The following DNAH5 variants were observed in gnomAD, a reference collection of about 807,000 sequenced individuals.
DNAH5 encodes axonemal beta dynein heavy chain 5.
In DNAH5, 372 loss-of-function variants were observed where a neutral mutation model predicts 518.2. That is an observed-to-expected ratio of 0.72 (90% CI 0.66 to 0.78). DNAH5 has a LOEUF of 0.78. Among genes scored for constraint, DNAH5 ranks in the 30% least tolerant of loss-of-function variants. DNAH5 has a pLI of 0.00. For missense variants in DNAH5, 5,523 were observed against 5,687.0 expected (o/e 0.97, Z 0.93); for synonymous variants, 2,039 against 2,025.9 (o/e 1.01, Z -0.17).
intron 3 of DNAH5, among the ~76,000 whole-genome samples, chr5:13,926,029 T>C (rs1003970802): frequency 3.3e-5 from 5 of 152,176 alleles, no homozygotes; most frequent in African/African-American, 1.2e-4. Context: ...ATATGACACC[T>C]GACCAAGAAA....
intron 25 of DNAH5, among the ~76,000 whole-genome samples, chr5:13,866,663 G>T (rs1317912331): frequency 3.3e-5 from 5 of 152,052 alleles, no homozygotes; most frequent in African/African-American, 1.2e-4. Context: ...CTTGTAAAGT[G>T]GCCTATAATC....
intron 15 of DNAH5, chr5:13,899,928 T>G: frequency 2.3e-6 from 1 of 428,012 alleles, no homozygotes; most frequent in Admixed American, 4.0e-5. Context: ...GAATAACTTT[T>G]ATTATAAAAA....
Position 13,830,722 on chromosome 5 carries a change from G to T in DNAH5, c.5936C>A (p.Ala1979Asp). ...ALGMSMGGAP[A>D]GPAGTGKTET... ...TGTTTTGCCTGTGCCTGCAGGTCCA[G>T]CAGGGGCTCCCCCCATGCTCATTCC... is the stretch of plus-strand genomic sequence containing the variant. The change falls in exon 36 of 79, where the codon GCT becomes GAT. Residue 1979 changes from alanine to aspartate, a missense_variant. Physicochemically the swap from Ala to Asp is moderately radical, Grantham distance 126 (BLOSUM62 -2). Around this residue, in one of 3 missense-constraint regions of DNAH5, gnomAD observed 5,121 missense variants for 5,223.3 expected, o/e 0.98. Coordinates refer to ENST00000265104, the MANE Select transcript of DNAH5 (RefSeq NM_001369.3). The T allele has an allele frequency of 6.2e-7, 1 of 1,614,176 alleles. No homozygotes were observed. The highest frequency in any genetic ancestry group is 8.5e-7 in the Non-Finnish European group (1 of 1,180,042).
rs1189818948 is a variant in DNAH5 at position 13,703,895 on chromosome 5, A to G, written c.13339-2459T>C. Among the ~76,000 whole-genome samples the G allele has an allele frequency of 2.0e-5, 3 of 152,280 alleles. No homozygotes were observed. In the East Asian group the frequency reaches 5.8e-4, roughly 29 times the overall value. On this transcript the variant is annotated intron_variant, in intron 76 of 78. Coordinates refer to ENST00000265104, the MANE Select transcript of DNAH5 (RefSeq NM_001369.3). ...GTCCAAGGCTCTAGTTCTGATCTAC[A>G]GACTGTGAATGAAAGTGGCATGGGT... is the stretch of plus-strand genomic sequence containing the variant.
At chr5:13,941,189 C>T (rs115382447) in intron 1 of DNAH5, among the ~76,000 whole-genome samples, 3,047 of 152,204 alleles carry the variant, frequency 0.02, 100 homozygotes, top group African/African-American at 0.07. Flanking sequence ...TCCATCTCTA[C>T]AAAAATTACA....
chr5:13,953,066 T>C (rs1039704037), intron 1 of DNAH5, among the ~76,000 whole-genome samples: 4 of 152,224 alleles, frequency 2.6e-5, no homozygotes, highest in African/African-American at 9.6e-5. Context: ...TAAAATATTA[T>C]TTTAGAGACC....
chr5:13,917,593 C>A (rs1561568686), intron 7 of DNAH5, among the ~76,000 whole-genome samples: 1 of 152,232 alleles, frequency 6.6e-6, no homozygotes, highest in Admixed American at 6.5e-5. Flanking sequence ...TATTTTCTAT[C>A]TTTCCTCTAT....
rs945480627 is a variant in DNAH5, at chr5:13,859,468, G to A, written c.4934C>T (p.Ala1645Val). 23 of 1,613,878 alleles carry A rather than the reference G, an allele frequency of 1.4e-5. No individual in the cohort carries two copies. Among genetic ancestry groups the A allele is most frequent in the Non-Finnish European group, 1.9e-5 (22 of 1,179,956 alleles). ...LEAVFVGGDI[A>V]KQLPKEAKRF... ...TTACAAAACCTTGGGCAGCTGCTTG[G>A]CAATGTCTCCTCCCACAAAGACAGC... The change falls in exon 30 of 79, where the codon GCC becomes GTC. Residue 1645 changes from alanine to valine, a missense_variant. Ala to Val is a moderately conservative substitution (Grantham distance 64, BLOSUM62 0). Around this residue, in one of 3 missense-constraint regions of DNAH5, gnomAD observed 5,121 missense variants for 5,223.3 expected, o/e 0.98. Transcript: ENST00000265104.
At position 13,725,680 on chromosome 5, in the gene DNAH5, G is replaced by C. The variant is rs146405735; in HGVS notation, c.12033+1827C>G. 8.7e-3 allele frequency among the ~76,000 whole-genome samples: 1,321 copies of C among 151,964 alleles called. 21 individuals carry two copies. The highest frequency in any genetic ancestry group is 0.012 in the Non-Finnish European group (783 of 67,960). On this transcript the variant is annotated intron_variant, in intron 70 of 78. Coordinates refer to ENST00000265104, the MANE Select transcript of DNAH5 (RefSeq NM_001369.3). ...TGTTGAGTATTTTTTTTTTGAGATG[G>C]AGTCTCACCCTGGCACCTAGGCTGG...
chr5:13,845,422 C>T (rs1415615332), intron 31 of DNAH5, among the ~76,000 whole-genome samples: 1 of 151,906 alleles, frequency 6.6e-6, no homozygotes, highest in Non-Finnish European at 1.5e-5. Context: ...TCTAAAAGCT[C>T]CCTACAATAC....
At chr5:13,826,181 A>T (rs540679711) in intron 38 of DNAH5, among the ~76,000 whole-genome samples, 2 of 152,342 alleles carry the variant, frequency 1.3e-5, no homozygotes, top group South Asian at 4.2e-4. Context: ...CCAAGACATC[A>T]GTATGAGTCC....
At chr5:13,871,260 G>T (rs1312640731) in intron 23 of DNAH5, among the ~76,000 whole-genome samples, 1 of 152,030 alleles carries the variant, frequency 6.6e-6, no homozygotes, top group Non-Finnish European at 1.5e-5. Context: ...TCTGGGATAA[G>T]CCTCAAAGGT....
At chr5:13,896,749 C>A (rs1425349982) in intron 15 of DNAH5, 4 of 152,196 alleles carry the variant, frequency 2.6e-5, no homozygotes, top group Admixed American at 2.6e-4. Flanking sequence ...CTGAAAGGTA[C>A]ATAATGTCAA....
At chr5:13,839,852 A>T (rs531637218) in intron 34 of DNAH5, among the ~76,000 whole-genome samples, 9 of 152,346 alleles carry the variant, frequency 5.9e-5, no homozygotes, top group Admixed American at 5.2e-4. Context: ...CCTCACCATG[A>T]AATATAATCT....
intron 1 of DNAH5, among the ~76,000 whole-genome samples, chr5:13,991,409 A>C (rs567199480): frequency 3.3e-5 from 5 of 152,072 alleles, no homozygotes; most frequent in African/African-American, 1.2e-4. Context: ...TTTGGACTAA[A>C]TGCCTGCTTG....
At chr5:13,920,400 T>C in intron 6 of DNAH5, 80 bp downstream of exon 6, 12 of 1,569,316 alleles carry the variant, frequency 7.6e-6, no homozygotes, top group Non-Finnish European at 1.1e-5. Context: ...AAATGGAATG[T>C]CGTATGTCAA....
At chr5:13,879,010 G>A (rs1771274471) in intron 21 of DNAH5, among the ~76,000 whole-genome samples, 1 of 152,108 alleles carries the variant, frequency 6.6e-6, no homozygotes, top group Non-Finnish European at 1.5e-5. Flanking sequence ...TCCAGGGTAG[G>A]GGGGACAAAA....
At chr5:13,693,570 G>A (rs1164213029) in intron 78 of DNAH5, among the ~76,000 whole-genome samples, 1 of 152,152 alleles carries the variant, frequency 6.6e-6, no homozygotes, top group African/African-American at 2.4e-5. Flanking sequence ...TCTACTTACG[G>A]AGGACATTTG....
At chr5:13,847,056 G>A (rs1236433694) in intron 31 of DNAH5, among the ~76,000 whole-genome samples, 1 of 152,140 alleles carries the variant, frequency 6.6e-6, no homozygotes, top group Non-Finnish European at 1.5e-5. Flanking sequence ...TATGGAAGGA[G>A]GCTGTGGTGT....
Sources: allele counts gnomAD v4.1 joint callset (sites outside exome capture counted in the v4.1 genomes callset), GRCh38; gene constraint gnomAD v4.1.1; regional missense constraint gnomAD v4.1.1; transcripts MANE v1.5; gene names NCBI Gene and HGNC (gene_info 2026-07-23, HGNC 2026-07-21).